Variants in ZNF484 observed in about 807,000 individuals in gnomAD.
ZNF484 encodes the protein zinc finger protein 484.
Under a neutral mutation model 12.9 loss-of-function variants are expected in ZNF484, and 11 were observed. The ratio of observed to expected loss-of-function variants is 0.85; its 90% CI spans 0.54 to 1.41. ZNF484 has a LOEUF of 1.41. ZNF484 is among the 40% of genes most tolerant of loss of function. ZNF484 has a pLI of 0.00. For synonymous variants in ZNF484, 289 were observed against 334.1 expected, an observed-to-expected ratio of 0.86 and a Z score of 1.47; for missense variants, 807 against 1,007.7, an observed-to-expected ratio of 0.80 and a Z score of 2.70.
chr9:92,860,759 C>T (rs532086402), intron 2 of ZNF484, among the ~76,000 whole-genome samples: 1 of 152,206 alleles, frequency 6.6e-6, no homozygotes, highest in South Asian at 2.1e-4. Flanking sequence ...ACTGCATTAG[C>T]TCAAAGAGAG....
In ZNF484 at chr9:92,856,102, C is replaced by G. The variant is rs2117936541; in HGVS notation, c.142+90G>C. On this transcript the variant is annotated intron_variant, in intron 3 of 4. Transcript: ENST00000375495. ...CAGTCTTTAGAAGTCCCACATACCT[C>G]AGAAAACACAGACTTCAGCAATTCT... 1.2e-5 allele frequency: 18 copies of G among 1,552,300 alleles called. No individual in the cohort carries two copies. In the South Asian group the frequency reaches 2.0e-4, roughly 18 times the overall value.
At chr9:92,869,425 G>A (rs1587765012) in intron 2 of ZNF484, among the ~76,000 whole-genome samples, 1 of 122,618 alleles carries the variant, frequency 8.2e-6, no homozygotes, top group African/African-American at 3.7e-5. Flanking sequence ...CCCAAATTAT[G>A]ATATACCCAT....
chr9:92,863,213 C>T (rs960453935), intron 2 of ZNF484, among the ~76,000 whole-genome samples: 14 of 142,600 alleles, frequency 9.8e-5, no homozygotes, highest in African/African-American at 5.3e-5. Context: ...GGGAGCTGAA[C>T]AATGTGAACA....
rs528985998 is a variant in ZNF484 at position 92,866,826 on chromosome 9, A to G, written c.15+8189T>C. ...GTATGCAGCCATAAAAAGGAATCAG[A>G]TCACATCCTTTGCAGGGACATGGAT... On this transcript the variant is annotated intron_variant, in intron 2 of 4. Coordinates refer to ENST00000375495, the MANE Select transcript of ZNF484 (RefSeq NM_031486.4). 2.6e-5 allele frequency among the ~76,000 whole-genome samples: 4 copies of G among 152,286 alleles called. No homozygotes were observed. The East Asian group carries it at 7.7e-4, about 29-fold the overall frequency.
rs10992497 is a variant in ZNF484, at chr9:92,861,840, A to T, written c.16-5522T>A. Among the ~76,000 whole-genome samples, 497 of 152,328 alleles carry T rather than the reference A, an allele frequency of 3.3e-3. 1 individual carries two copies. Among genetic ancestry groups the T allele is most frequent in the Non-Finnish European group, 5.1e-3 (345 of 68,014 alleles). On this transcript the variant is annotated intron_variant, in intron 2 of 4. Coordinates refer to ENST00000375495, the MANE Select transcript of ZNF484 (RefSeq NM_031486.4). ...ATAAATGTACAGATTCAAGTCGCTG[A>T]CCAAATCTCCAAAAGGAAAACCTCA...
chr9:92,855,977 A>C, intron 3 of ZNF484, 74 bp from the exon 4 acceptor site: 1 of 1,537,574 alleles, frequency 6.5e-7, no homozygotes, highest in South Asian at 1.2e-5. Context: ...TTCCCAAAAA[A>C]GTTCACTGGG....
intron 2 of ZNF484, among the ~76,000 whole-genome samples, chr9:92,859,599 A>G (rs974265911): frequency 1.2e-4 from 19 of 152,184 alleles, no homozygotes; most frequent in African/African-American, 4.6e-4. Context: ...GACTACACAT[A>G]CCTACAAAGT....
intron 2 of ZNF484, among the ~76,000 whole-genome samples, chr9:92,857,345 G>T (rs1000907012): frequency 1.3e-5 from 2 of 152,088 alleles, no homozygotes; most frequent in African/African-American, 4.8e-5. Context: ...TTTTGTCCTG[G>T]ATTCTCATTT....
rs1855507580 is a variant in ZNF484 at position 92,845,107 on chromosome 9, TAAAAA to T, written c.*1116_*1120del. On this transcript the variant is annotated 3_prime_UTR_variant, in exon 5 of 5. Coordinates refer to ENST00000375495, the MANE Select transcript of ZNF484 (RefSeq NM_031486.4). This position sits in a 1 kb window ranked among gnomAD's most constrained non-coding sequence, Gnocchi z 4.0. The stretch of plus-strand genomic sequence containing the variant: ...ATTTAAGGCAAAAAATTACTAGAGA[TAAAAA>T]GAAACATCTAATAATGATAATGTGT... 6.6e-6 allele frequency: 1 copy of T among 152,222 alleles called. No homozygotes were observed. Among genetic ancestry groups the T allele is most frequent in the South Asian group, 2.1e-4 (1 of 4,832 alleles). The allele number at this position is 152,222 out of a possible 1,614,324, so 9.4% of individuals were successfully genotyped here.
At chr9:92,872,059 C>T (rs1175048857) in intron 2 of ZNF484, among the ~76,000 whole-genome samples, 1 of 152,020 alleles carries the variant, frequency 6.6e-6, no homozygotes, top group East Asian at 1.9e-4. Flanking sequence ...GGAGAAACCC[C>T]GTCTCTACTA....
chr9:92,846,163 C>A lies in ZNF484; in HGVS notation c.*65G>T. ...CCACTATACATTGCTTAAACACTCT[C>A]AAAAGTGTCTCCCCATATGTGTAAC... On this transcript the variant is annotated 3_prime_UTR_variant, in exon 5 of 5. Coordinates refer to ENST00000375495, the MANE Select transcript of ZNF484 (RefSeq NM_031486.4). The A allele has an allele frequency of 1.3e-6, 2 of 1,522,458 alleles. No individual in the cohort carries two copies. Among genetic ancestry groups the A allele is most frequent in the East Asian group, 2.3e-5 (1 of 44,334 alleles). 94.3% of individuals were successfully genotyped at this position (1,522,458 alleles called of 1,614,324 possible).
chr9:92,877,786 A>G (rs920333800), intron 1 of ZNF484, 104 bp downstream of exon 1: 2 of 1,535,396 alleles, frequency 1.3e-6, no homozygotes, highest in East Asian at 2.4e-5. Flanking sequence ...TCCGACTTCC[A>G]CTATTCCATC....
intron 2 of ZNF484, among the ~76,000 whole-genome samples, chr9:92,868,712 A>G (rs1176269274): frequency 1.3e-5 from 2 of 152,060 alleles, no homozygotes; most frequent in African/African-American, 4.8e-5. Flanking sequence ...GGGAGGTAGC[A>G]AGCTCTTCTC....
In ZNF484 at chr9:92,846,048, T is replaced by C; in HGVS notation, c.*180A>G. ...TTTATAAAACTGTTTGCCCAAAAAG[T>C]GAAACAAGAAAGACTGCCAATCATC... On this transcript the variant is annotated 3_prime_UTR_variant, in exon 5 of 5. Coordinates refer to ENST00000375495, the MANE Select transcript of ZNF484 (RefSeq NM_031486.4). 1.6e-6 allele frequency: 1 copy of C among 642,162 alleles called. No individual in the cohort carries two copies. Among genetic ancestry groups the C allele is most frequent in the Non-Finnish European group, 2.6e-6 (1 of 390,340 alleles). 39.8% of individuals were successfully genotyped at this position (642,162 alleles called of 1,614,324 possible). A position where few individuals can be genotyped will look rare whatever the true frequency, so the allele number is the denominator to read the frequency against.
At chr9:92,855,286 ACAAT>A in intron 4 of ZNF484, among the ~76,000 whole-genome samples, 1 of 152,200 alleles carries the variant, frequency 6.6e-6, no homozygotes, top group Non-Finnish European at 1.5e-5. Context: ...CTCAAAGTCA[ACAAT>A]CAGAGAAGAG....
At chr9:92,870,127 A>T (rs1857342611) in intron 2 of ZNF484, among the ~76,000 whole-genome samples, 1 of 152,044 alleles carries the variant, frequency 6.6e-6, no homozygotes. Flanking sequence ...CAACATACAG[A>T]CTCTGAAAGG....
At chr9:92,854,596 A>C (rs900750356) in intron 4 of ZNF484, among the ~76,000 whole-genome samples, 37 of 152,264 alleles carry the variant, frequency 2.4e-4, no homozygotes, top group Non-Finnish European at 4.7e-4. Context: ...GGGCGCCTGT[A>C]GTCCCAGCTA....
In ZNF484 at chr9:92,847,539, T is replaced by C. The variant is rs1388181871; in HGVS notation, c.1248A>G (p.Glu416=). The change falls in exon 5 of 5, where the codon GAA becomes GAG. Residue 416 remains glutamate (E), a synonymous_variant. Transcript: ENST00000375495. The part of the protein sequence containing the change: ...HTGEKPYVCT[E]CGKAFIRKSH... ...ACTTCCGGATAAAGGCCTTCCCACATTCAGTACATACATAAGGTTTTTCTC... is the reference window on the plus strand; with the variant it reads ...ACTTCCGGATAAAGGCCTTCCCACACTCAGTACATACATAAGGTTTTTCTC... 1.9e-6 allele frequency: 3 copies of C among 1,613,794 alleles called. No homozygotes were observed. The East Asian group carries it at 6.7e-5, about 36-fold the overall frequency.
intron 2 of ZNF484, among the ~76,000 whole-genome samples, chr9:92,873,620 C>T (rs190579114): frequency 8.5e-5 from 13 of 152,272 alleles, no homozygotes; most frequent in African/African-American, 2.4e-4. Flanking sequence ...AAATTCTACA[C>T]AGTTTTTTCC....
Sources: gnomAD v4.1 joint callset for allele counts (sites outside exome capture counted in the v4.1 genomes callset) on GRCh38, gnomAD v4.1.1 for gene constraint, Gnocchi (gnomAD v3.1) non-coding constraint, MANE v1.5 for transcripts, NCBI Gene and HGNC (gene_info 2026-07-23, HGNC 2026-07-21) for gene names.